Variants in DMD observed in about 807,000 individuals in gnomAD.
DMD encodes mutant dystrophin.
In DMD, 63 loss-of-function variants were observed where a neutral mutation model predicts 330.1. The ratio of observed to expected loss-of-function variants is 0.19; its 90% confidence interval spans 0.16 to 0.24. The LOEUF (loss-of-function observed/expected upper bound fraction) is 0.24. DMD is among the 10% of genes least tolerant of loss of function. The pLI is 1.00. For synonymous variants in DMD, 1,223 were observed against 959.8 expected (o/e 1.27, Z -5.07); for missense variants, 3,344 against 2,684.1 (o/e 1.25, Z -5.43).
At chrX:32,442,979 A>T (rs987274415) in intron 27 of DMD, among the ~76,000 whole-genome samples, 5 of 110,921 alleles carry the variant, frequency 4.5e-5, no homozygotes, top group Admixed American at 9.6e-5. Flanking sequence ...TAAACAAAGG[A>T]ATAACAAAGG....
intron 42 of DMD, among the ~76,000 whole-genome samples, chrX:32,303,708 G>C (rs543969557): frequency 3.6e-5 from 4 of 110,295 alleles, no homozygotes; most frequent in Middle Eastern, 4.6e-3. Context: ...TTGGGGAGTA[G>C]ATCTATCTTA....
intron 57 of DMD, among the ~76,000 whole-genome samples, chrX:31,491,160 C>T (rs1301610161): frequency 8.9e-6 from 1 of 111,894 alleles, no homozygotes; most frequent in Non-Finnish European, 1.9e-5. Context: ...CAAACAATTT[C>T]ATTAGTAAAA....
At chrX:32,770,113 G>C (rs748260369) in intron 7 of DMD, among the ~76,000 whole-genome samples, 1 of 111,896 alleles carries the variant, frequency 8.9e-6, no homozygotes, top group Non-Finnish European at 1.9e-5. Flanking sequence ...AACACATGGT[G>C]GGAAGCAATA....
chrX:32,346,759 A>G (rs28420132), intron 38 of DMD, among the ~76,000 whole-genome samples: 1 of 111,993 alleles, frequency 8.9e-6, no homozygotes, highest in Non-Finnish European at 1.9e-5. Context: ...AACATTTTCA[A>G]TGGGTATTTT....
intron 47 of DMD, among the ~76,000 whole-genome samples, chrX:31,908,108 C>T (rs2094499791): frequency 1.8e-5 from 2 of 112,170 alleles, no homozygotes; most frequent in African/African-American, 6.5e-5. Flanking sequence ...CACTTTCACA[C>T]CGTTGGTGGG....
At chrX:31,774,717 T>C (rs2090552924) in intron 50 of DMD, among the ~76,000 whole-genome samples, 1 of 112,055 alleles carries the variant, frequency 8.9e-6, no homozygotes, top group African/African-American at 3.2e-5. Flanking sequence ...GTTCTTGTCT[T>C]AGCTCTGTAT....
chrX:31,714,686 C>T (rs780141829), intron 52 of DMD, among the ~76,000 whole-genome samples: 83 of 111,550 alleles, frequency 7.4e-4, no homozygotes, highest in African/African-American at 2.2e-3. Context: ...TAAAGTTTAC[C>T]TGTTTTGAAT....
chrX:31,723,852 C>A (rs2085788170), intron 52 of DMD, among the ~76,000 whole-genome samples: 1 of 111,570 alleles, frequency 9.0e-6, no homozygotes, highest in Non-Finnish European at 1.9e-5. Context: ...TTTAAAACTC[C>A]TCCTCTAGTT....
At chrX:32,971,035 C>A (rs1327619669) in intron 2 of DMD, among the ~76,000 whole-genome samples, 1 of 110,554 alleles carries the variant, frequency 9.0e-6, no homozygotes, top group African/African-American at 3.3e-5. Context: ...AATTTCGGCT[C>A]ATGGCAACCT....
intron 1 of DMD, among the ~76,000 whole-genome samples, chrX:33,132,871 G>A (rs1215702213): frequency 1.8e-5 from 2 of 111,881 alleles, no homozygotes; most frequent in Admixed American, 9.5e-5. Context: ...GCTATTGTTA[G>A]TTTCCACTAC....
chrX:33,054,552 G>A (rs1390516434), intron 1 of DMD, among the ~76,000 whole-genome samples: 1 of 112,398 alleles, frequency 8.9e-6, no homozygotes, highest in African/African-American at 3.2e-5. Flanking sequence ...ATTAATTAGT[G>A]TGACGAAGGA....
intron 54 of DMD, among the ~76,000 whole-genome samples, chrX:31,649,503 G>C (rs73455958): frequency 0.013 from 1,475 of 111,373 alleles, 30 homozygotes; most frequent in African/African-American, 0.045. Flanking sequence ...GATCCATATG[G>C]ATCATGACAC....
At chrX:32,059,216 A>G (rs923591839) in intron 44 of DMD, among the ~76,000 whole-genome samples, 2 of 111,386 alleles carry the variant, frequency 1.8e-5, no homozygotes, top group Non-Finnish European at 3.8e-5. Context: ...TGCACTTAAA[A>G]TTTATTAAGA....
chrX:31,638,034 A>C (rs1438489751), intron 54 of DMD, among the ~76,000 whole-genome samples: 1 of 111,828 alleles, frequency 8.9e-6, no homozygotes, highest in Non-Finnish European at 1.9e-5. Flanking sequence ...TTAGCTGTCA[A>C]TGACTGAGTT....
intron 7 of DMD, among the ~76,000 whole-genome samples, chrX:32,774,176 G>C (rs889048161): frequency 6.3e-5 from 7 of 111,997 alleles, no homozygotes; most frequent in Admixed American, 1.9e-4. Context: ...TAATATAAGA[G>C]AGTTATTCAA....
chrX:33,215,882 G>C (rs1197886756), upstream of DMD, among the ~76,000 whole-genome samples: 1 of 111,298 alleles, frequency 9.0e-6, no homozygotes, highest in Non-Finnish European at 1.9e-5. Flanking sequence ...ATTGGTCTAT[G>C]GTCTGTTTTT....
intron 11 of DMD, among the ~76,000 whole-genome samples, chrX:32,642,116 A>T (rs1247769626): frequency 8.9e-6 from 1 of 112,023 alleles, no homozygotes; most frequent in Non-Finnish European, 1.9e-5. Flanking sequence ...GGCTTATCAC[A>T]TTAGAATTTA....
At position 32,141,650 on chromosome X, in the gene DMD, A is replaced by G. The variant is rs770798578; in HGVS notation, c.6438+75266T>C. 3.9e-5 allele frequency among the ~76,000 whole-genome samples: 4 copies of G among 103,078 alleles called. No homozygotes were observed. The Admixed American group carries it at 4.4e-4, about 11-fold the overall frequency. The allele number at this position is 103,078 out of a possible 115,157, so 89.5% of individuals were successfully genotyped here. A position where few individuals can be genotyped will look rare whatever the true frequency, so the allele number is the denominator to read the frequency against. ...TTTAAAATTTTATTTATAAGAAAAA[A>G]TCCAGAATTCAATATAATATAGAGT... On this transcript the variant is annotated intron_variant, in intron 44 of 78. Coordinates refer to ENST00000357033, the MANE Select transcript of DMD (RefSeq NM_004006.3).
intron 1 of DMD, among the ~76,000 whole-genome samples, chrX:33,178,854 T>C (rs1396185221): frequency 1.2e-4 from 14 of 112,044 alleles, no homozygotes; most frequent in African/African-American, 3.6e-4. Flanking sequence ...GTATAAGGTA[T>C]TTATTACCAC....
Sources: allele counts gnomAD v4.1 joint callset (sites outside exome capture counted in the v4.1 genomes callset), GRCh38; gene constraint gnomAD v4.1.1; transcripts MANE v1.5; gene names NCBI Gene and HGNC (gene_info 2026-07-23, HGNC 2026-07-21).